RYK: variants seen among roughly 807,000 people sequenced by gnomAD.
RYK encodes inactive tyrosine-protein kinase RYK.
In RYK, 21 loss-of-function variants were observed where a neutral mutation model predicts 70.2. The observed-to-expected ratio is 0.30, with a 90% confidence interval of 0.21 to 0.43. The LOEUF is 0.43. Among genes scored for constraint, RYK ranks in the 20% least tolerant of loss-of-function variants. The pLI is 1.00. For synonymous variants in RYK, 267 were observed against 278.0 expected (o/e 0.96, Z 0.39); for missense variants, 604 against 753.3 (o/e 0.80, Z 2.32).
At chr3:134,177,057 C>CA (rs1247130905) in intron 11 of RYK, among the ~76,000 whole-genome samples, 4 of 48,116 alleles carry the variant, frequency 8.3e-5, no homozygotes, top group East Asian at 1.5e-3. Flanking sequence ...AAAAAAAACA[C>CA]AAAAAACAAA....
At chr3:134,225,884 A>AG (rs1560024094) in intron 1 of RYK, among the ~76,000 whole-genome samples, 4 of 151,656 alleles carry the variant, frequency 2.6e-5, no homozygotes, top group Non-Finnish European at 2.9e-5. Flanking sequence ...AAAAAAAAAA[A>AG]GATCAAAGGT....
intron 13 of RYK, among the ~76,000 whole-genome samples, chr3:134,164,916 A>G (rs1410947253): frequency 6.6e-6 from 1 of 152,190 alleles, no homozygotes; most frequent in Non-Finnish European, 1.5e-5. Context: ...AGACTTTTCA[A>G]TTTTAGCCAA....
At chr3:134,245,901 C>G (rs1265553934) in intron 1 of RYK, among the ~76,000 whole-genome samples, 1 of 152,210 alleles carries the variant, frequency 6.6e-6, no homozygotes, top group Non-Finnish European at 1.5e-5. Flanking sequence ...CACATGTTCT[C>G]TCCTCTGCAA....
intron 6 of RYK, among the ~76,000 whole-genome samples, chr3:134,197,780 C>T (rs886263198): frequency 3.9e-5 from 6 of 152,196 alleles, no homozygotes; most frequent in Admixed American, 3.3e-4. Flanking sequence ...TGTGAAAGTA[C>T]TTCTTAAGTA....
rs2012369011 is a variant in RYK at position 134,159,313 on chromosome 3, T to C, written c.1636A>G (p.Ile546Val). The change falls in exon 14 of 15, where the codon ATT (isoleucine) becomes GTT (valine). Residue 546 changes from isoleucine (I) to valine (V), a missense_variant. Transcript: ENST00000623711. ...MTLGQTPYVD[I>V]DPFEMAAYLK... ...TATGCGGCCATCTCGAAGGGGTCAA[T>C]GTCCACGTAGGGAGTCTGGCCCAGA... 1 of 1,613,800 alleles carries C rather than the reference T, an allele frequency of 6.2e-7. No individual in the cohort carries two copies. The highest frequency in any genetic ancestry group is 8.5e-7 in the Non-Finnish European group (1 of 1,179,862).
chr3:134,192,080 G>A, intron 7 of RYK, 106 bp from the exon 8 acceptor site: 3 of 1,078,244 alleles, frequency 2.8e-6, no homozygotes, highest in Non-Finnish European at 2.7e-6. Context: ...AGGAATGAGT[G>A]TAAGAATCAT....
At chr3:134,199,996 AGACCAATCAGCACTCTGTAAAACG>A (rs1305663062) in intron 6 of RYK, among the ~76,000 whole-genome samples, 17 of 151,362 alleles carry the variant, frequency 1.1e-4, no homozygotes, top group African/African-American at 3.9e-4. Flanking sequence ...CTGTAAAAAC[AGACCAATCAGCACTCTGTAAAACG>A]GACCAATCAC....
intron 2 of RYK, among the ~76,000 whole-genome samples, chr3:134,218,994 A>T (rs1275748962): frequency 6.6e-6 from 1 of 152,226 alleles, no homozygotes; most frequent in South Asian, 2.1e-4. Context: ...TCCAAAAAAA[A>T]TCAGGAAACT....
chr3:134,197,151 C>G (rs1448590687), intron 6 of RYK, among the ~76,000 whole-genome samples: 1 of 152,166 alleles, frequency 6.6e-6, no homozygotes, highest in African/African-American at 2.4e-5. Context: ...CTTTGCAACT[C>G]AAAGAGACTA....
intron 1 of RYK, among the ~76,000 whole-genome samples, chr3:134,239,296 CA>C (rs1219439249): frequency 6.6e-6 from 1 of 151,344 alleles, no homozygotes. Flanking sequence ...CTCATCTATA[CA>C]AAAAAAAATT....
chr3:134,171,422 C>G (rs1319356817), intron 13 of RYK, among the ~76,000 whole-genome samples: 1 of 152,216 alleles, frequency 6.6e-6, no homozygotes, highest in African/African-American at 2.4e-5. Flanking sequence ...TTATTATTAG[C>G]TATAGCCTCA....
At chr3:134,163,411 T>A (rs541620277) in intron 13 of RYK, among the ~76,000 whole-genome samples, 1 of 152,362 alleles carries the variant, frequency 6.6e-6, no homozygotes, top group Non-Finnish European at 1.5e-5. Flanking sequence ...CATGCTGTTC[T>A]TTCCAGAGTT....
At chr3:134,163,372 C>T (rs888098993) in intron 13 of RYK, among the ~76,000 whole-genome samples, 5 of 152,130 alleles carry the variant, frequency 3.3e-5, no homozygotes, top group Admixed American at 6.5e-5. Context: ...TTCTGTTTGA[C>T]GTCGGTGGAA....
At chr3:134,185,888 A>G (rs1006574742) in intron 9 of RYK, among the ~76,000 whole-genome samples, 7 of 152,210 alleles carry the variant, frequency 4.6e-5, no homozygotes. Flanking sequence ...CACTTGAATG[A>G]TGATCTAAGA....
chr3:134,202,886 A>T lies in RYK; in HGVS notation c.644-12T>A. 1 of 1,607,560 alleles carries T rather than the reference A, an allele frequency of 6.2e-7. No homozygotes were observed. ...ATGTACAGGATCATCTGAAATAAAA[A>T]CAAAAAGCACATTTAGCTTTTTAAA... is the stretch of plus-strand genomic sequence containing the variant. On this transcript the variant is annotated splice_polypyrimidine_tract_variant and intron_variant, in intron 5 of 14. Transcript: ENST00000623711.
At chr3:134,161,061 C>T (rs2012454033) in intron 13 of RYK, among the ~76,000 whole-genome samples, 1 of 152,108 alleles carries the variant, frequency 6.6e-6, no homozygotes, top group Non-Finnish European at 1.5e-5. Flanking sequence ...ACAAAGAATA[C>T]AGAGTGCTGA....
At chr3:134,247,490 G>T (rs544012015) in intron 1 of RYK, among the ~76,000 whole-genome samples, 1 of 152,140 alleles carries the variant, frequency 6.6e-6, no homozygotes, top group Non-Finnish European at 1.5e-5. Flanking sequence ...ATCACCTGAG[G>T]TTGGGGGTTT....
Position 134,202,791 on chromosome 3 carries a change from C to T in RYK, c.727G>A (p.Val243Ile), listed in dbSNP as rs746238409. Residue 243 changes from valine to isoleucine, a missense_variant, in exon 6 of 15, where the codon GTA becomes ATA. Coordinates refer to ENST00000623711, the MANE Select transcript of RYK (RefSeq NM_002958.4). Reference sequence around the variant, plus strand: ...TGCAAAACAGCTAATATTATTGCTACGAGAAATATTACTGCACAACAAACC... The same window carrying T: ...TGCAAAACAGCTAATATTATTGCTATGAGAAATATTACTGCACAACAAACC... ...VGVCCAVIFL[V>I]AIILAVLHLH... The T allele has an allele frequency of 2.3e-5, 37 of 1,611,960 alleles. No homozygotes were observed. The highest frequency in any genetic ancestry group is 1.2e-4 in the South Asian group (11 of 91,032).
At chr3:134,188,164 T>C (rs1043698988) in intron 9 of RYK, among the ~76,000 whole-genome samples, 1 of 46,316 alleles carries the variant, frequency 2.2e-5, no homozygotes, top group East Asian at 3.4e-4. Context: ...TATATATATA[T>C]ATATTTTTTT....
Sources: gnomAD v4.1 joint callset for allele counts (sites outside exome capture counted in the v4.1 genomes callset) on GRCh38, gnomAD v4.1.1 for gene constraint, MANE v1.5 for transcripts, NCBI Gene and HGNC (gene_info 2026-07-23, HGNC 2026-07-21) for gene names.